TSN: variants seen among roughly 807,000 people sequenced by gnomAD.
TSN encodes component 3 of promoter of RISC.
TSN carries 5 observed loss-of-function variants against 29.4 expected under a neutral mutation model. That is an observed-to-expected ratio of 0.17 (90% CI 0.09 to 0.36). The LOEUF (loss-of-function observed/expected upper bound fraction) is 0.36. Among genes scored for constraint, TSN ranks in the 10% least tolerant of loss-of-function variants. The pLI is 1.00. For synonymous variants in TSN, 106 were observed against 102.2 expected, an observed-to-expected ratio of 1.04 and a Z score of -0.23; for missense variants, 159 against 272.8, an observed-to-expected ratio of 0.58 and a Z score of 2.94.
Position 121,758,845 on chromosome 2 carries a change from A to G in TSN, c.257+39A>G, listed in dbSNP as rs202231312. The G allele has an allele frequency of 3.7e-6, 5 of 1,341,380 alleles. No homozygotes were observed. In the East Asian group the frequency reaches 7.8e-5, roughly 21 times the overall value. The allele number at this position is 1,341,380 out of a possible 1,614,324, so 83.1% of individuals were successfully genotyped here. A position where few individuals can be genotyped will look rare whatever the true frequency, so the allele number is the denominator to read the frequency against. On this transcript the variant is annotated intron_variant, in intron 3 of 5. Coordinates refer to ENST00000389682, the MANE Select transcript of TSN (RefSeq NM_004622.3). ...ATAGCATTATTTTATAATGTTAAGTAAAAAAAAGGAGAAAAATTATGTGTA... is the reference window on the plus strand; with the variant it reads ...ATAGCATTATTTTATAATGTTAAGTGAAAAAAAGGAGAAAAATTATGTGTA...
At chr2:121,764,606 C>G (rs149020029) in intron 5 of TSN, among the ~76,000 whole-genome samples, 1 of 151,836 alleles carries the variant, frequency 6.6e-6, no homozygotes, top group Non-Finnish European at 1.5e-5. Flanking sequence ...TATACTGACA[C>G]CGAGAAGGGG....
At chr2:121,760,756 A>G (rs2074814457) in intron 3 of TSN, among the ~76,000 whole-genome samples, 1 of 152,200 alleles carries the variant, frequency 6.6e-6, no homozygotes, top group African/African-American at 2.4e-5. Context: ...AGTTGTCTTC[A>G]ATCATCAGTT....
chr2:121,760,163 C>T (rs995811440), intron 3 of TSN, among the ~76,000 whole-genome samples: 20 of 152,230 alleles, frequency 1.3e-4, no homozygotes, highest in African/African-American at 4.6e-4. Flanking sequence ...CTGAGCTCCA[C>T]CTCCTGTCAG....
intron 4 of TSN, 86 bp from the exon 5 acceptor site, chr2:121,762,919 A>G (rs2074850768): frequency 8.1e-7 from 1 of 1,241,490 alleles, no homozygotes; most frequent in Non-Finnish European, 1.1e-6. Context: ...TTCTTCACTT[A>G]CTTTGGGAGA....
At chr2:121,762,198 G>T (rs1352229692) in intron 4 of TSN, among the ~76,000 whole-genome samples, 1 of 151,538 alleles carries the variant, frequency 6.6e-6, no homozygotes, top group African/African-American at 2.4e-5. Context: ...CTCCATGTTG[G>T]TCGGGCTAGT....
At chr2:121,762,538 T>C (rs1391496533) in intron 4 of TSN, among the ~76,000 whole-genome samples, 1 of 152,246 alleles carries the variant, frequency 6.6e-6, no homozygotes, top group African/African-American at 2.4e-5. Flanking sequence ...TGCTTTAGTT[T>C]TTAAAATTGA....
chr2:121,758,607 G>T (rs556805246), intron 2 of TSN, 103 bp from the exon 3 acceptor site: 1 of 838,822 alleles, frequency 1.2e-6, no homozygotes, highest in African/African-American at 1.8e-5. Flanking sequence ...TAGTTGTGAG[G>T]TTTTTTTGTT....
intron 3 of TSN, among the ~76,000 whole-genome samples, chr2:121,760,555 T>G (rs1282784577): frequency 1.3e-5 from 2 of 152,198 alleles, no homozygotes; most frequent in African/African-American, 4.8e-5. Flanking sequence ...TTGCCACATT[T>G]GAGAATCAGG....
At chr2:121,759,992 T>C (rs2074801459) in intron 3 of TSN, among the ~76,000 whole-genome samples, 1 of 152,244 alleles carries the variant, frequency 6.6e-6, no homozygotes, top group African/African-American at 2.4e-5. Context: ...AAACATTTGC[T>C]GATCCTTGCT....
chr2:121,766,342 A>T lies in TSN; in HGVS notation c.*975A>T, dbSNP rs1174888885. 2.0e-5 allele frequency: 3 copies of T among 152,196 alleles called. No homozygotes were observed. The highest frequency in any genetic ancestry group is 4.4e-5 in the Non-Finnish European group (3 of 68,048). The allele number at this position is 152,196 out of a possible 1,614,324, so 9.4% of individuals were successfully genotyped here. ...AGTCAGGCCGGGCGTGGTGGCTCAC[A>T]CCTGTAATCCCAGCACACTGGGAGG... On this transcript the variant is annotated 3_prime_UTR_variant, in exon 6 of 6. Transcript: ENST00000389682.
Position 121,757,549 on chromosome 2 carries a change from GATA to G in TSN, c.160+219_160+221del, listed in dbSNP as rs1184304386. On this transcript the variant is annotated intron_variant, in intron 2 of 5. Coordinates refer to ENST00000389682, the MANE Select transcript of TSN (RefSeq NM_004622.3). ...TCTATTGCGAGGGCATTCTACTGAT[GATA>G]ATTACAATTGCTTAACCCATTTCCT... 9 of 867,402 alleles carry G rather than the reference GATA, an allele frequency of 1.0e-5. 1 individual carries two copies. The Admixed American group carries it at 2.2e-4, about 21-fold the overall frequency. The allele number at this position is 867,402 out of a possible 1,614,324, so 53.7% of individuals were successfully genotyped here.
chr2:121,764,576 A>G (rs933570402), intron 5 of TSN, among the ~76,000 whole-genome samples: 2 of 151,988 alleles, frequency 1.3e-5, no homozygotes, highest in African/African-American at 4.8e-5. Context: ...AAGCCAGTCA[A>G]ATGGAGCAGT....
chr2:121,762,958 G>A (rs762322039), intron 4 of TSN, 47 bp from the exon 5 acceptor site: 11 of 1,497,664 alleles, frequency 7.3e-6, no homozygotes, highest in Non-Finnish European at 9.1e-6. Flanking sequence ...ATATTCTGAG[G>A]CTTAACTTGC....
At chr2:121,757,506 G>A in intron 2 of TSN, 173 bp downstream of exon 2, 10 of 1,275,276 alleles carry the variant, frequency 7.8e-6, no homozygotes, top group Non-Finnish European at 1.1e-5. Flanking sequence ...ACACAGTATG[G>A]TTTAAACAGA....
At position 121,755,725 on chromosome 2, in the gene TSN, G is replaced by A. The variant is rs1558688989; in HGVS notation, c.-55G>A. Reference sequence around the variant, plus strand: ...ATTGATTGCGCTGGTTGCCTGCGGCGTCCACTTCCTTGGCCGCCCTTGCTA... The same window carrying A: ...ATTGATTGCGCTGGTTGCCTGCGGCATCCACTTCCTTGGCCGCCCTTGCTA... On this transcript the variant is annotated 5_prime_UTR_variant, in exon 1 of 6. Transcript: ENST00000389682. 3.1e-6 allele frequency: 5 copies of A among 1,606,222 alleles called. No individual in the cohort carries two copies. The highest frequency in any genetic ancestry group is 4.2e-6 in the Non-Finnish European group (5 of 1,177,688).
At chr2:121,764,236 G>A (rs923788115) in intron 5 of TSN, among the ~76,000 whole-genome samples, 2 of 152,160 alleles carry the variant, frequency 1.3e-5, no homozygotes, top group African/African-American at 2.4e-5. Context: ...CACTTGTCTG[G>A]CTTGTTGGAG....
At chr2:121,755,903 G>T (rs988413947) in intron 1 of TSN, 58 bp downstream of exon 1, 16 of 1,609,598 alleles carry the variant, frequency 9.9e-6, no homozygotes, top group Admixed American at 6.7e-5. Flanking sequence ...GGGCCACTTC[G>T]CCCGGCCCTC....
chr2:121,758,649 T>A (rs2074781068), intron 2 of TSN, 61 bp from the exon 3 acceptor site: 9 of 1,249,658 alleles, frequency 7.2e-6, no homozygotes, highest in Non-Finnish European at 9.8e-6. Flanking sequence ...CTTAGATTAT[T>A]AAGCAAGAAC....
chr2:121,764,666 G>A (rs1412172625), intron 5 of TSN, among the ~76,000 whole-genome samples: 2 of 151,774 alleles, frequency 1.3e-5, no homozygotes, highest in Non-Finnish European at 2.9e-5. Flanking sequence ...TCAAGACAGG[G>A]TTACACTAAC....
Sources: gnomAD v4.1 joint callset for allele counts (sites outside exome capture counted in the v4.1 genomes callset) on GRCh38, gnomAD v4.1.1 for gene constraint, MANE v1.5 for transcripts, NCBI Gene and HGNC (gene_info 2026-07-23, HGNC 2026-07-21) for gene names.